The following ADGRL2 variants were observed in gnomAD, a reference collection of about 807,000 sequenced individuals.
ADGRL2 encodes the protein adhesion G protein-coupled receptor L2.
ADGRL2 carries 44 observed loss-of-function variants against 157.4 expected under a neutral mutation model. The observed-to-expected ratio is 0.28, with a 90% CI of 0.22 to 0.36. The LOEUF (loss-of-function observed/expected upper bound fraction) is 0.36. Among genes scored for constraint, ADGRL2 ranks in the 10% least tolerant of loss-of-function variants. The pLI is 1.00. For missense variants in ADGRL2, 1,510 were observed against 1,768.9 expected (o/e 0.85, Z 2.63); for synonymous variants, 585 against 624.7 (o/e 0.94, Z 0.95).
chr1:81,452,964 C>A (rs926122156), intron 2 of ADGRL2, among the ~76,000 whole-genome samples: 2 of 152,136 alleles, frequency 1.3e-5, no homozygotes, highest in Non-Finnish European at 2.9e-5. Flanking sequence ...TACATCAAGG[C>A]AGATATTGCC....
At position 81,984,722 on chromosome 1, in the gene ADGRL2, G is replaced by A. The variant is rs1662662618; in HGVS notation, c.3411+11G>A. On this transcript the variant is annotated intron_variant, in intron 20 of 23. Coordinates refer to ENST00000686636, the MANE Select transcript of ADGRL2 (RefSeq NM_001366006.2). Reference sequence around the variant, plus strand: ...TCCTCTGGCACACAGGTAACAAAGAGTTTGACAGCATCTTTAATTAACCTT... The same window carrying A: ...TCCTCTGGCACACAGGTAACAAAGAATTTGACAGCATCTTTAATTAACCTT... 1 of 1,611,630 alleles carries A rather than the reference G, an allele frequency of 6.2e-7. No homozygotes were observed. The highest frequency in any genetic ancestry group is 1.7e-5 in the Admixed American group (1 of 59,842).
chr1:81,965,991 T>C, intron 11 of ADGRL2, 67 bp from the exon 12 acceptor site: 7 of 1,496,980 alleles, frequency 4.7e-6, no homozygotes, highest in Non-Finnish European at 6.4e-6. Context: ...CAGTTATCAT[T>C]TGCCTCCTTA....
chr1:81,326,527 A>G (rs752147780), intron 1 of ADGRL2, among the ~76,000 whole-genome samples: 3 of 152,228 alleles, frequency 2.0e-5, no homozygotes, highest in Non-Finnish European at 4.4e-5. Flanking sequence ...TTTAACAACC[A>G]TCAATTGATC....
At chr1:81,390,345 A>T (rs2076515930) in intron 1 of ADGRL2, among the ~76,000 whole-genome samples, 1 of 152,308 alleles carries the variant, frequency 6.6e-6, no homozygotes, top group African/African-American at 2.4e-5. Flanking sequence ...GACTGAAGAA[A>T]CTTGGGAGAG....
chr1:81,579,266 C>A (rs1465585259), intron 2 of ADGRL2: 2 of 152,166 alleles, frequency 1.3e-5, no homozygotes, highest in Non-Finnish European at 2.9e-5. Context: ...GTATATAATA[C>A]ATTCCATCTT....
intron 19 of ADGRL2, among the ~76,000 whole-genome samples, chr1:81,983,231 G>A (rs1411423194): frequency 1.3e-5 from 2 of 151,874 alleles, no homozygotes; most frequent in Non-Finnish European, 2.9e-5. Context: ...CATTTTAAAT[G>A]CATCATGTTA....
intron 1 of ADGRL2, chr1:81,427,335 G>C (rs113699354): frequency 0.19 from 136,275 of 725,826 alleles, 14,217 homozygotes; most frequent in South Asian, 0.31. Flanking sequence ...GGTTATAGTA[G>C]TAGAGGGGGC....
At chr1:81,749,836 T>C (rs1281756698) in intron 1 of ADGRL2, among the ~76,000 whole-genome samples, 1 of 152,192 alleles carries the variant, frequency 6.6e-6, no homozygotes, top group Non-Finnish European at 1.5e-5. Flanking sequence ...ACTGACTTCA[T>C]GACTGGCCCT....
chr1:81,803,888 GTCCCACCGAGTT>G (rs1557673430), intron 1 of ADGRL2, among the ~76,000 whole-genome samples: 1 of 152,122 alleles, frequency 6.6e-6, no homozygotes, highest in Non-Finnish European at 1.5e-5. Flanking sequence ...TGTGGAACGG[GTCCCACCGAGTT>G]TGCTCTTTGC....
chr1:81,596,491 T>C (rs1481095608), intron 3 of ADGRL2: 2 of 439,014 alleles, frequency 4.6e-6, no homozygotes, highest in Non-Finnish European at 8.8e-6. Context: ...GTTTTTCCTG[T>C]ATCCTTAAAA....
chr1:81,958,642 A>G (rs1237988998), intron 11 of ADGRL2, among the ~76,000 whole-genome samples: 2 of 152,196 alleles, frequency 1.3e-5, no homozygotes, highest in African/African-American at 4.8e-5. Context: ...ACTTGGAGGT[A>G]TAATTTAAAA....
At chr1:81,461,940 G>C (rs1018130643) in intron 2 of ADGRL2, among the ~76,000 whole-genome samples, 4 of 145,092 alleles carry the variant, frequency 2.8e-5, no homozygotes, top group Admixed American at 1.4e-4. Context: ...AGGGGGGGGG[G>C]GGTGGTGGAG....
chr1:81,335,023 T>C (rs1477385211), intron 1 of ADGRL2, among the ~76,000 whole-genome samples: 1 of 152,192 alleles, frequency 6.6e-6, no homozygotes, highest in Non-Finnish European at 1.5e-5. Flanking sequence ...GAGCCTTCCT[T>C]ACCTGAAACT....
chr1:81,710,492 C>T (rs1031030499), intron 1 of ADGRL2, among the ~76,000 whole-genome samples: 2 of 151,474 alleles, frequency 1.3e-5, no homozygotes, highest in African/African-American at 2.4e-5. Flanking sequence ...TGGTGGCACA[C>T]ACCTGTAGTC....
rs749897834 is a variant in ADGRL2 at position 81,986,881 on chromosome 1, G to GTT, written c.3509-9_3509-8dup. 73 of 1,192,272 alleles carry GTT rather than the reference G, an allele frequency of 6.1e-5. No homozygotes were observed. The highest frequency in any genetic ancestry group is 1.3e-4 in the Admixed American group (6 of 44,642). 73.9% of individuals were successfully genotyped at this position (1,192,272 alleles called of 1,614,324 possible). On this transcript the variant is annotated intron_variant, in intron 21 of 23. Transcript: ENST00000686636. ...ATGTACTTTTCTCTGTTTTTTTGTT[G>GTT]TTTTTTTTTTTTACTTTAGGAATGA...
intron 2 of ADGRL2, among the ~76,000 whole-genome samples, chr1:81,574,624 T>C (rs1167022968): frequency 2.0e-5 from 3 of 152,182 alleles, no homozygotes; most frequent in Admixed American, 2.0e-4. Flanking sequence ...GTGCTGCCAG[T>C]AGCAGATCCA....
chr1:81,539,122 A>C (rs1165779765), intron 2 of ADGRL2, among the ~76,000 whole-genome samples: 1 of 152,140 alleles, frequency 6.6e-6, no homozygotes, highest in African/African-American at 2.4e-5. Context: ...TTAGGTGTGC[A>C]TATTTATAAA....
At chr1:81,986,396 CTTT>C (rs1346591359) in intron 21 of ADGRL2, among the ~76,000 whole-genome samples, 2 of 151,976 alleles carry the variant, frequency 1.3e-5, no homozygotes, top group East Asian at 3.9e-4. Flanking sequence ...CTAAGAGAAG[CTTT>C]TTGCAATGTG....
rs780269953 is a variant in ADGRL2 at position 81,943,922 on chromosome 1, C to G, written c.1210+153C>G. Among the ~76,000 whole-genome samples, 6 of 151,750 alleles carry G rather than the reference C, an allele frequency of 4.0e-5. No individual in the cohort carries two copies. Among genetic ancestry groups the G allele is most frequent in the Non-Finnish European group, 7.4e-5 (5 of 67,906 alleles). On this transcript the variant is annotated intron_variant, in intron 6 of 23. Transcript: ENST00000686636. This position sits in a 1 kb window ranked among gnomAD's most constrained non-coding sequence, Gnocchi z 5.6. ...GGTACATTTTAGCCTTATTATGGTT[C>G]GTTTTCTTTTTCTCAATTTCTTCAT...
Sources: allele counts gnomAD v4.1 joint callset (sites outside exome capture counted in the v4.1 genomes callset), GRCh38; gene constraint gnomAD v4.1.1; non-coding constraint Gnocchi (gnomAD v3.1); transcripts MANE v1.5; gene names NCBI Gene and HGNC (gene_info 2026-07-23, HGNC 2026-07-21).